TET2: variants seen among roughly 807,000 people sequenced by gnomAD.
The protein encoded by TET2 is methylcytosine dioxygenase TET2.
A neutral mutation model predicts 142.9 loss-of-function variants in TET2; 299 were observed. That is an observed-to-expected ratio of 2.09 (90% CI 1.90 to 2.30). The LOEUF is 2.30. Among genes scored for constraint, TET2 ranks in the 30% most tolerant of loss-of-function variants. The pLI, the probability that TET2 is intolerant of heterozygous loss-of-function variation, is 0.00. For missense variants in TET2, 2,418 were observed against 2,378.0 expected (o/e 1.02, Z -0.35); for synonymous variants, 819 against 849.0 (o/e 0.96, Z 0.61).
At chr4:105,151,967 C>T (rs188508207) in intron 1 of TET2, among the ~76,000 whole-genome samples, 16 of 151,964 alleles carry the variant, frequency 1.1e-4, no homozygotes, top group Non-Finnish European at 1.5e-4. Flanking sequence ...CCCAGCTACT[C>T]AGGAGGCTGA....
intron 1 of TET2, among the ~76,000 whole-genome samples, chr4:105,161,714 C>T (rs1355125996): frequency 1.3e-5 from 2 of 152,214 alleles, no homozygotes; most frequent in Admixed American, 1.3e-4. Context: ...ATAGAACTTT[C>T]ATTTGGCTGT....
At chr4:105,187,554 CTATT>C (rs762641524) in intron 1 of TET2, among the ~76,000 whole-genome samples, 9 of 152,328 alleles carry the variant, frequency 5.9e-5, no homozygotes, top group East Asian at 1.9e-4. Flanking sequence ...CTAGAATTAT[CTATT>C]TATCTCATTA....
chr4:105,265,624 T>A (rs1012597626), intron 8 of TET2, among the ~76,000 whole-genome samples: 1 of 152,172 alleles, frequency 6.6e-6, no homozygotes, highest in Non-Finnish European at 1.5e-5. Context: ...GATAGACAAA[T>A]ACATATATGA....
intron 1 of TET2, among the ~76,000 whole-genome samples, chr4:105,152,230 G>T (rs576469724): frequency 1.3e-5 from 2 of 152,146 alleles, no homozygotes; most frequent in East Asian, 3.9e-4. Flanking sequence ...GCGGTGAGCC[G>T]AGATGGCTCT....
At chr4:105,213,237 A>T (rs1211273638) in intron 2 of TET2, among the ~76,000 whole-genome samples, 1 of 152,186 alleles carries the variant, frequency 6.6e-6, no homozygotes, top group Non-Finnish European at 1.5e-5. Flanking sequence ...AAGCATAATG[A>T]TATAACCTGC....
intron 2 of TET2, among the ~76,000 whole-genome samples, chr4:105,193,072 A>G (rs1308017447): frequency 2.0e-5 from 3 of 152,188 alleles, no homozygotes; most frequent in Non-Finnish European, 4.4e-5. Flanking sequence ...AGTAAGTGAT[A>G]TGGACAAGAA....
intron 8 of TET2, among the ~76,000 whole-genome samples, chr4:105,268,927 C>T (rs1452514637): frequency 1.3e-5 from 2 of 152,222 alleles, no homozygotes; most frequent in South Asian, 2.1e-4. Context: ...GAGCCCAGAT[C>T]GTGCCACTGC....
chr4:105,188,621 T>C (rs538507888), intron 1 of TET2, among the ~76,000 whole-genome samples: 91 of 152,330 alleles, frequency 6.0e-4, no homozygotes, highest in African/African-American at 2.0e-3. Flanking sequence ...AAGTTCATCA[T>C]TGATAGCTAA....
At chr4:105,178,248 A>G (rs191883931) in intron 1 of TET2, among the ~76,000 whole-genome samples, 19 of 152,334 alleles carry the variant, frequency 1.2e-4, no homozygotes, top group Middle Eastern at 3.4e-3. Flanking sequence ...AGATGTAAGA[A>G]TATTATTCAG....
At chr4:105,183,219 C>T (rs1725224271) in intron 1 of TET2, among the ~76,000 whole-genome samples, 1 of 151,962 alleles carries the variant, frequency 6.6e-6, no homozygotes, top group African/African-American at 2.4e-5. Context: ...GAAACCATTA[C>T]ATCATTTTGT....
At chr4:105,257,816 C>T (rs1730216836) in intron 6 of TET2, among the ~76,000 whole-genome samples, 1 of 152,176 alleles carries the variant, frequency 6.6e-6, no homozygotes, top group African/African-American at 2.4e-5. Context: ...TATTCAACAG[C>T]TGCCTATGAT....
At chr4:105,184,912 A>T (rs1383968438) in intron 1 of TET2, among the ~76,000 whole-genome samples, 3 of 152,212 alleles carry the variant, frequency 2.0e-5, no homozygotes, top group African/African-American at 7.2e-5. Flanking sequence ...GGAAGGAAAC[A>T]TCTATTACTG....
intron 2 of TET2, among the ~76,000 whole-genome samples, chr4:105,215,207 C>A (rs1239758598): frequency 6.6e-6 from 1 of 152,072 alleles, no homozygotes; most frequent in African/African-American, 2.4e-5. Context: ...TCCTACACAG[C>A]CATAGGCAGT....
At chr4:105,195,135 C>T (rs901440900) in intron 2 of TET2, among the ~76,000 whole-genome samples, 1 of 152,126 alleles carries the variant, frequency 6.6e-6, no homozygotes, top group African/African-American at 2.4e-5. Context: ...AAATAGACTG[C>T]ACCTTATGAA....
intron 2 of TET2, among the ~76,000 whole-genome samples, chr4:105,195,320 T>C (rs1726019908): frequency 6.6e-6 from 1 of 152,202 alleles, no homozygotes; most frequent in Non-Finnish European, 1.5e-5. Context: ...TATTCATCTT[T>C]ACAGATGTTA....
intron 10 of TET2, among the ~76,000 whole-genome samples, chr4:105,274,691 G>A (rs562151287): frequency 6.6e-6 from 1 of 152,096 alleles, no homozygotes; most frequent in African/African-American, 2.4e-5. Flanking sequence ...AGGTCAAAGC[G>A]GTCCCTTGAG....
chr4:105,159,350 G>C (rs1372143935), intron 1 of TET2, among the ~76,000 whole-genome samples: 1 of 149,274 alleles, frequency 6.7e-6, no homozygotes, highest in Non-Finnish European at 1.5e-5. Flanking sequence ...CCGCCTCACC[G>C]GTTCAAGCGA....
chr4:105,213,038 A>G (rs1727268706), intron 2 of TET2, among the ~76,000 whole-genome samples: 1 of 152,102 alleles, frequency 6.6e-6, no homozygotes, highest in Non-Finnish European at 1.5e-5. Flanking sequence ...CCACCCACCA[A>G]AAGACTCCAT....
rs372190231 is a variant in TET2, at chr4:105,235,257, A to G, written c.1315A>G (p.Asn439Asp). ...TTTAGAAGAACACCACCACTACCCC[A>G]ACCAAAGTAACACAACACTTTTAAG... is the stretch of plus-strand genomic sequence containing the variant. ...GVLEEHHHYP[N>D]QSNTTLLREV... The change falls in exon 3 of 11, where the codon AAC (asparagine) becomes GAC (aspartate). Residue 439 changes from asparagine to aspartate, a missense_variant. Transcript: ENST00000380013. The G allele has an allele frequency of 5.0e-6, 8 of 1,613,944 alleles. No homozygotes were observed. The African/African-American group carries it at 1.1e-4, about 22-fold the overall frequency.
Sources: gnomAD v4.1 joint callset for allele counts (sites outside exome capture counted in the v4.1 genomes callset) on GRCh38, gnomAD v4.1.1 for gene constraint, MANE v1.5 for transcripts, NCBI Gene and HGNC (gene_info 2026-07-23, HGNC 2026-07-21) for gene names.